Variants in GRIK2 observed in about 807,000 individuals in gnomAD.
The protein encoded by GRIK2 is glutamate receptor ionotropic, kainate 2.
In GRIK2, 32 loss-of-function variants were observed where a neutral mutation model predicts 100.3. The observed-to-expected ratio is 0.32, with a 90% CI of 0.24 to 0.43. The LOEUF is 0.43. GRIK2 is among the 20% of genes least tolerant of loss of function. The probability of loss-of-function intolerance (pLI) is 1.00; values close to 1 mark genes in which losing one functional copy is unlikely to be tolerated. For synonymous variants in GRIK2, 417 were observed against 389.4 expected (o/e 1.07, Z -0.83); for missense variants, 843 against 1,114.9 (o/e 0.76, Z 3.47).
chr6:101,706,257 A>G (rs1773291242), intron 7 of GRIK2, among the ~76,000 whole-genome samples: 2 of 151,934 alleles, frequency 1.3e-5, no homozygotes, highest in African/African-American at 4.8e-5. Context: ...AACCTTTTTG[A>G]ATATGCTAGA....
intron 2 of GRIK2, among the ~76,000 whole-genome samples, chr6:101,607,512 G>A (rs1779490347): frequency 6.6e-6 from 1 of 151,952 alleles, no homozygotes; most frequent in African/African-American, 2.4e-5. Context: ...ACTTACCAGA[G>A]GTAGAAAGAG....
chr6:101,530,454 T>G (rs1426990057), intron 2 of GRIK2, among the ~76,000 whole-genome samples: 1 of 151,916 alleles, frequency 6.6e-6, no homozygotes, highest in African/African-American at 2.4e-5. Flanking sequence ...TAGAAGGAAA[T>G]TATAGCTATG....
chr6:101,695,706 G>A (rs2128349389), intron 7 of GRIK2, among the ~76,000 whole-genome samples: 1 of 152,110 alleles, frequency 6.6e-6, no homozygotes, highest in African/African-American at 2.4e-5. Flanking sequence ...ATCATAAGTT[G>A]AAAATATCAT....
chr6:101,876,133 A>G (rs891371971), intron 11 of GRIK2, among the ~76,000 whole-genome samples: 6 of 151,802 alleles, frequency 4.0e-5, no homozygotes, highest in Non-Finnish European at 8.8e-5. Context: ...TTAAGAAGAA[A>G]ACATGTTTAG....
At chr6:101,982,385 G>A (rs1793763147) in intron 14 of GRIK2, among the ~76,000 whole-genome samples, 1 of 151,782 alleles carries the variant, frequency 6.6e-6, no homozygotes, top group Non-Finnish European at 1.5e-5. Flanking sequence ...TTTTGTATAT[G>A]CAGCCACTCT....
intron 7 of GRIK2, among the ~76,000 whole-genome samples, chr6:101,700,713 T>C (rs546857067): frequency 3.3e-4 from 49 of 149,514 alleles, no homozygotes; most frequent in African/African-American, 1.3e-3. Context: ...CCCTTCTAAC[T>C]TGATAACTTG....
At chr6:101,927,160 T>G (rs1789956436) in intron 13 of GRIK2, 1 of 152,724 alleles carries the variant, frequency 6.5e-6, no homozygotes. Context: ...AAATTTTGTT[T>G]GTTTGTTTGA....
At chr6:101,931,748 G>A (rs189450610) in intron 14 of GRIK2, among the ~76,000 whole-genome samples, 24 of 152,176 alleles carry the variant, frequency 1.6e-4, no homozygotes, top group Admixed American at 1.3e-3. Flanking sequence ...ATTCAAAATA[G>A]GAGATAGTGG....
chr6:101,866,669 A>G (rs1204822560), intron 11 of GRIK2, among the ~76,000 whole-genome samples: 1 of 152,144 alleles, frequency 6.6e-6, no homozygotes, highest in East Asian at 1.9e-4. Flanking sequence ...ACATTAGACT[A>G]TTTGAATTTG....
chr6:102,046,526 A>G (rs1770897748), intron 15 of GRIK2, among the ~76,000 whole-genome samples: 1 of 152,074 alleles, frequency 6.6e-6, no homozygotes, highest in African/African-American at 2.4e-5. Context: ...CCATGTGAAG[A>G]AGGTCCTTGC....
chr6:101,815,345 G>A (rs1781570169), intron 9 of GRIK2, among the ~76,000 whole-genome samples: 1 of 152,034 alleles, frequency 6.6e-6, no homozygotes, highest in South Asian at 2.1e-4. Context: ...AGAAATCAAA[G>A]AGCCAATCAG....
intron 4 of GRIK2, among the ~76,000 whole-genome samples, chr6:101,630,181 T>C (rs1198556094): frequency 6.6e-6 from 1 of 152,178 alleles, no homozygotes; most frequent in Non-Finnish European, 1.5e-5. Context: ...AACATATGCA[T>C]GCATGTGTCT....
At chr6:101,506,813 G>T (rs1774047735) in intron 2 of GRIK2, among the ~76,000 whole-genome samples, 1 of 152,128 alleles carries the variant, frequency 6.6e-6, no homozygotes, top group African/African-American at 2.4e-5. Context: ...GCAGAAATGA[G>T]TATGATACAA....
chr6:101,566,411 A>C (rs1300148339), intron 2 of GRIK2, among the ~76,000 whole-genome samples: 1 of 152,094 alleles, frequency 6.6e-6, no homozygotes, highest in Admixed American at 6.6e-5. Context: ...GTGTTCACAT[A>C]AAAACATCTA....
At chr6:101,652,158 C>T (rs1781828036) in intron 4 of GRIK2, among the ~76,000 whole-genome samples, 1 of 152,110 alleles carries the variant, frequency 6.6e-6, no homozygotes. Flanking sequence ...ATGCAAGGTG[C>T]AGTCCACCAG....
intron 2 of GRIK2, among the ~76,000 whole-genome samples, chr6:101,612,522 A>T (rs538554942): frequency 1.3e-5 from 2 of 151,794 alleles, no homozygotes; most frequent in Non-Finnish European, 2.9e-5. Flanking sequence ...AACATGTTTC[A>T]TACTTATTTA....
chr6:101,673,975 A>G (rs2128338986), intron 4 of GRIK2, among the ~76,000 whole-genome samples: 1 of 152,328 alleles, frequency 6.6e-6, no homozygotes, highest in African/African-American at 2.4e-5. Context: ...TATAAGTCAT[A>G]CACATTTGTT....
chr6:101,950,923 G>T lies in GRIK2; in HGVS notation c.2085+22291G>T, dbSNP rs1434993947. On this transcript the variant is annotated intron_variant, in intron 14 of 16. Coordinates refer to ENST00000369134, the MANE Select transcript of GRIK2 (RefSeq NM_021956.5). Reference sequence around the variant, plus strand: ...TGGTATGCCTAACACCTTTCAACATGGTAGTAGCATTTGACTTCAAGCAAG... The same window carrying T: ...TGGTATGCCTAACACCTTTCAACATTGTAGTAGCATTTGACTTCAAGCAAG... Among the ~76,000 whole-genome samples the T allele has an allele frequency of 2.6e-5, 4 of 152,028 alleles. No homozygotes were observed. The East Asian group carries it at 7.7e-4, about 29-fold the overall frequency.
chr6:101,840,128 T>C (rs1360781713), intron 10 of GRIK2, among the ~76,000 whole-genome samples: 3 of 152,220 alleles, frequency 2.0e-5, no homozygotes, highest in Admixed American at 6.5e-5. Flanking sequence ...TAAAACTTAC[T>C]GTATTCTGTT....
Sources: gnomAD v4.1 joint callset for allele counts (sites outside exome capture counted in the v4.1 genomes callset) on GRCh38, gnomAD v4.1.1 for gene constraint, MANE v1.5 for transcripts, NCBI Gene and HGNC (gene_info 2026-07-23, HGNC 2026-07-21) for gene names.